The following NPAS3 variants were observed in gnomAD, a reference collection of about 807,000 sequenced individuals.
NPAS3 encodes neuronal PAS domain-containing protein 3.
Under a neutral mutation model 73.1 loss-of-function variants are expected in NPAS3, and 14 were observed. That is an observed-to-expected ratio of 0.19 (90% confidence interval 0.13 to 0.30). NPAS3 has a LOEUF of 0.30. NPAS3 is among the 10% of genes least tolerant of loss of function. The probability of loss-of-function intolerance (pLI) is 1.00; values close to 1 mark genes in which losing one functional copy is unlikely to be tolerated. For synonymous variants in NPAS3, 620 were observed against 541.5 expected, an observed-to-expected ratio of 1.14 and a Z score of -2.01; for missense variants, 1,096 against 1,250.0, an observed-to-expected ratio of 0.88 and a Z score of 1.86.
chr14:33,381,496 T>C (rs2046551547), intron 4 of NPAS3, among the ~76,000 whole-genome samples: 1 of 152,238 alleles, frequency 6.6e-6, no homozygotes, highest in African/African-American at 2.4e-5. Flanking sequence ...CTAATTGCTA[T>C]CATTTAACCT....
At chr14:33,250,267 G>C (rs962761612) in intron 3 of NPAS3, among the ~76,000 whole-genome samples, 1 of 151,900 alleles carries the variant, frequency 6.6e-6, no homozygotes, top group African/African-American at 2.4e-5. Context: ...AGTGATGTTG[G>C]TAGGGTATAA....
intron 1 of NPAS3, among the ~76,000 whole-genome samples, chr14:33,024,298 A>G (rs1042636776): frequency 2.6e-5 from 4 of 151,712 alleles, no homozygotes; most frequent in African/African-American, 4.9e-5. Flanking sequence ...CAGCCTGCAG[A>G]GTAGCTGGGA....
At chr14:33,361,642 T>C (rs1023818890) in intron 3 of NPAS3, among the ~76,000 whole-genome samples, 5 of 152,218 alleles carry the variant, frequency 3.3e-5, no homozygotes, top group African/African-American at 1.2e-4. Context: ...TCAAAAAATT[T>C]TGGATCATCG....
intron 7 of NPAS3, among the ~76,000 whole-genome samples, chr14:33,773,091 A>G (rs2062704579): frequency 6.6e-6 from 1 of 152,168 alleles, no homozygotes; most frequent in African/African-American, 2.4e-5. Flanking sequence ...AAAAGAAACA[A>G]AAATAAAATG....
At chr14:33,223,421 T>A (rs770596143) in intron 3 of NPAS3, among the ~76,000 whole-genome samples, 5 of 152,200 alleles carry the variant, frequency 3.3e-5, no homozygotes, top group Non-Finnish European at 7.3e-5. Flanking sequence ...GTCAGTCCTC[T>A]AAGTCCTTTG....
chr14:33,406,320 G>T (rs1294572494), intron 4 of NPAS3, among the ~76,000 whole-genome samples: 2 of 152,080 alleles, frequency 1.3e-5, no homozygotes, highest in African/African-American at 4.8e-5. Context: ...GAGTGTAAAA[G>T]AGATGGGGAG....
chr14:33,119,064 TTTTATG>T (rs1296995622), intron 2 of NPAS3, among the ~76,000 whole-genome samples: 1 of 152,032 alleles, frequency 6.6e-6, no homozygotes, highest in Non-Finnish European at 1.5e-5. Context: ...TGATTTTGCT[TTTTATG>T]TTCTGAAACA....
chr14:33,736,169 G>A (rs1397687854), intron 7 of NPAS3, among the ~76,000 whole-genome samples: 2 of 152,192 alleles, frequency 1.3e-5, no homozygotes, highest in African/African-American at 4.8e-5. Context: ...CCCAGCTTTA[G>A]AATTTAGAAC....
chr14:33,543,768 A>G (rs2139647550), intron 4 of NPAS3, among the ~76,000 whole-genome samples: 1 of 152,106 alleles, frequency 6.6e-6, no homozygotes, highest in South Asian at 2.1e-4. Context: ...TCTATGTCTC[A>G]GGGAATTCAA....
Position 33,017,323 on chromosome 14 carries a change from TA to T in NPAS3, c.51-38574del, listed in dbSNP as rs1266323746. Among the ~76,000 whole-genome samples, 9 of 152,086 alleles carry T rather than the reference TA, an allele frequency of 5.9e-5. No individual in the cohort carries two copies. The East Asian group carries it at 1.7e-3, about 29-fold the overall frequency. ...GCCAGGCTAACCTCATTTCCTTTTT[TA>T]AAAAAAATGATTACTGAACCTAGAG... On this transcript the variant is annotated intron_variant, in intron 1 of 11. Transcript: ENST00000356141.
chr14:33,320,446 A>G (rs867639784), intron 3 of NPAS3, among the ~76,000 whole-genome samples: 2 of 152,154 alleles, frequency 1.3e-5, no homozygotes, highest in Non-Finnish European at 2.9e-5. Context: ...AATAAAAAAA[A>G]TTTTTAAAAA....
intron 2 of NPAS3, among the ~76,000 whole-genome samples, chr14:33,099,404 G>A (rs1431965861): frequency 1.3e-5 from 2 of 152,046 alleles, no homozygotes; most frequent in Non-Finnish European, 2.9e-5. Context: ...AGGACTAGAG[G>A]ATCCATTCCA....
chr14:32,942,390 G>A (rs889730846), intron 1 of NPAS3, among the ~76,000 whole-genome samples: 2 of 152,076 alleles, frequency 1.3e-5, no homozygotes, highest in Non-Finnish European at 2.9e-5. Context: ...AAATAAGCTC[G>A]TTCTTGATAA....
At chr14:33,725,209 C>T (rs1183528860) in intron 6 of NPAS3, among the ~76,000 whole-genome samples, 1 of 152,186 alleles carries the variant, frequency 6.6e-6, no homozygotes, top group African/African-American at 2.4e-5. Flanking sequence ...CACATGTATA[C>T]TTATGTAACA....
chr14:33,139,430 A>T (rs2043961719), intron 2 of NPAS3, among the ~76,000 whole-genome samples: 2 of 152,134 alleles, frequency 1.3e-5, no homozygotes, highest in South Asian at 4.1e-4. Flanking sequence ...TCACATTATT[A>T]ATTTTAACTT....
chr14:33,369,404 C>CAAAAAAAAAAAAAAAAAAA (rs3058296), intron 4 of NPAS3, among the ~76,000 whole-genome samples: 8 of 90,936 alleles, frequency 8.8e-5, no homozygotes, highest in Non-Finnish European at 1.1e-4. Context: ...GCCTCATTTC[C>CAAAAAAAAAAAAAAAAAAA]AAAAAAAAAA....
chr14:33,355,516 T>C (rs2045298466), intron 3 of NPAS3, among the ~76,000 whole-genome samples: 1 of 152,190 alleles, frequency 6.6e-6, no homozygotes, highest in Non-Finnish European at 1.5e-5. Context: ...GCCAGGATGG[T>C]CTCGACCCCT....
intron 2 of NPAS3, among the ~76,000 whole-genome samples, chr14:33,153,252 G>C (rs2044524002): frequency 6.6e-6 from 1 of 151,772 alleles, no homozygotes; most frequent in Non-Finnish European, 1.5e-5. Flanking sequence ...TTCTGTGTTA[G>C]AGAGTTTTTC....
chr14:33,297,479 T>C (rs1036372928), intron 3 of NPAS3, among the ~76,000 whole-genome samples: 3 of 152,192 alleles, frequency 2.0e-5, no homozygotes, highest in African/African-American at 4.8e-5. Flanking sequence ...TCTTGCTGTA[T>C]CTCCCTGTTA....
Sources: allele counts gnomAD v4.1 joint callset (sites outside exome capture counted in the v4.1 genomes callset), GRCh38; gene constraint gnomAD v4.1.1; transcripts MANE v1.5; gene names NCBI Gene and HGNC (gene_info 2026-07-23, HGNC 2026-07-21).